THSD4: variants seen among roughly 807,000 people sequenced by gnomAD.
THSD4 encodes the protein thrombospondin type-1 domain-containing protein 4.
A neutral mutation model predicts 119.0 loss-of-function variants in THSD4; 69 were observed. The ratio of observed to expected loss-of-function variants is 0.58; its 90% confidence interval spans 0.48 to 0.71. The LOEUF (loss-of-function observed/expected upper bound fraction) is 0.71, where lower values mean the gene tolerates loss of function less well. Ranked by LOEUF, THSD4 falls within the 30% of genes least tolerant of loss-of-function variation. THSD4 has a pLI of 0.00. For missense variants in THSD4, 1,393 were observed against 1,391.1 expected (o/e 1.00, Z -0.02); for synonymous variants, 524 against 540.4 (o/e 0.97, Z 0.42).
Position 71,438,259 on chromosome 15 carries a change from A to G in THSD4, c.1152+26436A>G, listed in dbSNP as rs2047042364. ...CTTAACTTGTAGGAGCTTTTTATGCATTAAAGAGATTATTGTGTAAATTGC... is the reference window on the plus strand; with the variant it reads ...CTTAACTTGTAGGAGCTTTTTATGCGTTAAAGAGATTATTGTGTAAATTGC... On this transcript the variant is annotated intron_variant, in intron 7 of 17. Coordinates refer to ENST00000261862, the MANE Select transcript of THSD4 (RefSeq NM_024817.3). Among the ~76,000 whole-genome samples the G allele has an allele frequency of 3.9e-5, 6 of 152,236 alleles. No homozygotes were observed. The South Asian group carries it at 1.2e-3, about 32-fold the overall frequency.
rs537524009 is a variant in THSD4, at chr15:71,099,503, T to G, written c.-80+2497T>G. Among the ~76,000 whole-genome samples, 8 of 152,324 alleles carry G rather than the reference T, an allele frequency of 5.3e-5. 1 individual carries two copies. In the South Asian group the frequency reaches 1.7e-3, roughly 32 times the overall value. On this transcript the variant is annotated intron_variant, in intron 1 of 17. Coordinates refer to the THSD4 transcript ENST00000355327. ...TATGTTTTCACAGTGAATTGGCTCT[T>G]TTGATTATTATGCAATGTGTCCTCT...
chr15:71,492,204 G>C (rs928920458), intron 7 of THSD4, among the ~76,000 whole-genome samples: 2 of 151,418 alleles, frequency 1.3e-5, no homozygotes, highest in Non-Finnish European at 2.9e-5. Flanking sequence ...ATAGTGGATG[G>C]GACACCATTA....
At chr15:71,342,050 G>A (rs1207655967) in intron 6 of THSD4, among the ~76,000 whole-genome samples, 7 of 152,130 alleles carry the variant, frequency 4.6e-5, no homozygotes, top group African/African-American at 1.7e-4. Context: ...AACAGGAGAT[G>A]GGGAGGGGTA....
chr15:71,098,366 T>G (rs1482408732), intron 1 of THSD4, among the ~76,000 whole-genome samples: 1 of 151,772 alleles, frequency 6.6e-6, no homozygotes, highest in Non-Finnish European at 1.5e-5. Context: ...CCAGCTAGGT[T>G]TTTTGTATTT....
chr15:71,525,116 T>C (rs2048501104), intron 7 of THSD4, among the ~76,000 whole-genome samples: 1 of 151,900 alleles, frequency 6.6e-6, no homozygotes, highest in African/African-American at 2.4e-5. Context: ...ATAATAAAAA[T>C]AGCTAATATT....
chr15:71,341,645 C>T (rs369835620), intron 6 of THSD4: 118 of 1,545,100 alleles, frequency 7.6e-5, no homozygotes, highest in Non-Finnish European at 8.9e-5. Context: ...AAAGTGAACA[C>T]GAAGATTGGA....
chr15:71,463,284 T>C (rs1166934964), intron 7 of THSD4, among the ~76,000 whole-genome samples: 1 of 152,220 alleles, frequency 6.6e-6, no homozygotes, highest in Non-Finnish European at 1.5e-5. Context: ...GCATTCCGTC[T>C]ATCTTTGTAT....
chr15:71,586,435 T>C (rs1321513632), intron 7 of THSD4, among the ~76,000 whole-genome samples: 4 of 152,202 alleles, frequency 2.6e-5, no homozygotes. Flanking sequence ...CTAAGCTCAC[T>C]GGTTGTTGCC....
chr15:71,579,135 A>T (rs2049512060), intron 7 of THSD4, among the ~76,000 whole-genome samples: 2 of 152,118 alleles, frequency 1.3e-5, no homozygotes, highest in African/African-American at 4.8e-5. Flanking sequence ...GAGTGCATTA[A>T]CTTTTTAATC....
At chr15:71,667,191 C>T (rs1299307007) in intron 8 of THSD4, among the ~76,000 whole-genome samples, 4 of 152,066 alleles carry the variant, frequency 2.6e-5, no homozygotes, top group African/African-American at 9.7e-5. Context: ...TTTAGAACTC[C>T]TGTATCTATT....
chr15:71,537,930 T>G (rs925130555), intron 7 of THSD4, among the ~76,000 whole-genome samples: 1 of 151,832 alleles, frequency 6.6e-6, no homozygotes, highest in Non-Finnish European at 1.5e-5. Context: ...GCCCAGCTAA[T>G]TTTTGTATTT....
In THSD4 at chr15:71,363,999, T is replaced by C. The variant is rs192682207; in HGVS notation, c.1016-47688T>C. ...TCCTAATTTTATCTGATAGAAATAG[T>C]ATTCATTAAAGTTGTGTTACTCAAG... On this transcript the variant is annotated intron_variant, in intron 6 of 17. Transcript: ENST00000261862. 1.8e-3 allele frequency among the ~76,000 whole-genome samples: 275 copies of C among 152,276 alleles called. 2 individuals are homozygous for C. The highest frequency in any genetic ancestry group is 6.8e-3 in the Middle Eastern group (2 of 294).
At chr15:71,564,975 C>T (rs893593193) in intron 7 of THSD4, among the ~76,000 whole-genome samples, 4 of 151,998 alleles carry the variant, frequency 2.6e-5, no homozygotes, top group African/African-American at 9.7e-5. Flanking sequence ...AATAGTATCA[C>T]ATCAATTAAG....
intron 8 of THSD4, among the ~76,000 whole-genome samples, chr15:71,665,672 T>C (rs1292562352): frequency 2.0e-5 from 3 of 152,246 alleles, no homozygotes; most frequent in Non-Finnish European, 2.9e-5. Flanking sequence ...TTGATTTTTA[T>C]ATATGGTGTA....
chr15:71,162,736 T>C (rs2043258766), intron 3 of THSD4, among the ~76,000 whole-genome samples: 1 of 152,094 alleles, frequency 6.6e-6, no homozygotes, highest in South Asian at 2.1e-4. Context: ...TCTCCATTTC[T>C]TCTCCTTCTG....
intron 6 of THSD4, chr15:71,342,183 T>C: frequency 5.3e-6 from 1 of 188,080 alleles, no homozygotes; most frequent in East Asian, 1.4e-4. Flanking sequence ...TAACATCTAC[T>C]AAATCCCATT....
intron 7 of THSD4, among the ~76,000 whole-genome samples, chr15:71,578,625 C>A (rs1049778580): frequency 6.6e-6 from 1 of 151,798 alleles, no homozygotes; most frequent in East Asian, 2.0e-4. Flanking sequence ...GCGTAAGCCA[C>A]CACGCCCAGC....
chr15:71,711,083 G>GTATATA (rs56201476), intron 8 of THSD4, among the ~76,000 whole-genome samples: 24,329 of 128,018 alleles, frequency 0.19, 2,237 homozygotes, highest in Non-Finnish European at 0.22. Context: ...ATATATATAT[G>GTATATA]TATATATATA....
intron 8 of THSD4, among the ~76,000 whole-genome samples, chr15:71,724,817 G>A (rs1412784966): frequency 6.6e-6 from 1 of 151,292 alleles, no homozygotes; most frequent in African/African-American, 2.4e-5. Context: ...GTTAGATTTG[G>A]GGGGATAGGA....
Sources: allele counts gnomAD v4.1 joint callset (sites outside exome capture counted in the v4.1 genomes callset), GRCh38; gene constraint gnomAD v4.1.1; transcripts MANE v1.5; gene names NCBI Gene and HGNC (gene_info 2026-07-23, HGNC 2026-07-21).